Variants in SORCS3 observed in about 807,000 individuals in gnomAD.
SORCS3 encodes sortilin related VPS10 domain containing receptor 3, also known as VPS10 domain-containing receptor SorCS3.
SORCS3 carries 57 observed loss-of-function variants against 146.3 expected under a neutral mutation model. The ratio of observed to expected loss-of-function variants is 0.39; its 90% CI spans 0.31 to 0.49. SORCS3 has a LOEUF of 0.49. SORCS3 is among the 20% of genes least tolerant of loss of function. SORCS3 has a pLI of 0.92. For synonymous variants in SORCS3, 653 were observed against 618.5 expected (o/e 1.06, Z -0.83); for missense variants, 1,341 against 1,575.5 (o/e 0.85, Z 2.52).
At chr10:105,165,383 G>T (rs1197252247) in intron 12 of SORCS3, among the ~76,000 whole-genome samples, 1 of 152,168 alleles carries the variant, frequency 6.6e-6, no homozygotes, top group Non-Finnish European at 1.5e-5. Context: ...TCTCCGTGGA[G>T]AAGACAAGAG....
At position 105,249,513 on chromosome 10, in the gene SORCS3, G is replaced by T. The variant is rs570497959; in HGVS notation, c.3105+2182G>T. On this transcript the variant is annotated intron_variant, in intron 22 of 26. Transcript: ENST00000369701. ...ATAAATAGAAGAGAATGACATAGGA[G>T]CATTGCTGTATGGAGCGGTCTGTAA... 1.8e-4 allele frequency among the ~76,000 whole-genome samples: 27 copies of T among 152,246 alleles called. No homozygotes were observed. In the South Asian group the frequency reaches 5.0e-3, roughly 28 times the overall value.
chr10:104,924,410 C>T (rs909478018), intron 3 of SORCS3, among the ~76,000 whole-genome samples: 4 of 152,194 alleles, frequency 2.6e-5, no homozygotes, highest in Admixed American at 1.3e-4. Context: ...TAGCATTCCA[C>T]GTCGGTCCTG....
intron 7 of SORCS3, among the ~76,000 whole-genome samples, chr10:105,114,300 G>GA (rs925284046): frequency 9.3e-5 from 14 of 151,326 alleles, no homozygotes; most frequent in African/African-American, 2.7e-4. Context: ...AACACAAGAG[G>GA]AAAAAAAAGT....
chr10:105,169,278 C>G (rs2056340491), intron 13 of SORCS3, among the ~76,000 whole-genome samples: 1 of 152,142 alleles, frequency 6.6e-6, no homozygotes, highest in African/African-American at 2.4e-5. Flanking sequence ...AGGCTTATGA[C>G]ATAGTCCCTG....
intron 1 of SORCS3, among the ~76,000 whole-genome samples, chr10:104,704,230 C>T (rs992826052): frequency 6.0e-5 from 9 of 150,220 alleles, no homozygotes; most frequent in Admixed American, 1.3e-4. Context: ...TGCAGTGGCA[C>T]GATCATGGCT....
intron 7 of SORCS3, among the ~76,000 whole-genome samples, chr10:105,116,766 A>G (rs2055896357): frequency 6.6e-6 from 1 of 152,146 alleles, no homozygotes; most frequent in Admixed American, 6.6e-5. Context: ...CCATTATCCT[A>G]AGCAAACTAA....
chr10:104,913,682 A>G (rs947055726), intron 2 of SORCS3, among the ~76,000 whole-genome samples: 5 of 151,384 alleles, frequency 3.3e-5, no homozygotes, highest in African/African-American at 4.9e-5. Flanking sequence ...ACATTTTAGT[A>G]TACCTGCATT....
intron 23 of SORCS3, among the ~76,000 whole-genome samples, chr10:105,253,167 G>T (rs1310996859): frequency 1.3e-5 from 2 of 152,130 alleles, no homozygotes; most frequent in Non-Finnish European, 2.9e-5. Flanking sequence ...CTCCCTCCCA[G>T]TGACTCTTCC....
At chr10:105,116,327 T>C (rs969053379) in intron 7 of SORCS3, among the ~76,000 whole-genome samples, 6 of 152,166 alleles carry the variant, frequency 3.9e-5, no homozygotes, top group Admixed American at 2.6e-4. Flanking sequence ...AGTAGGATGC[T>C]TGCAAGAGAC....
chr10:105,087,173 T>A (rs2055667532), intron 5 of SORCS3, among the ~76,000 whole-genome samples: 1 of 152,194 alleles, frequency 6.6e-6, no homozygotes, highest in African/African-American at 2.4e-5. Flanking sequence ...CAGCACAATT[T>A]ATTAAATAGG....
chr10:105,134,470 T>A (rs1483532834), intron 7 of SORCS3, among the ~76,000 whole-genome samples: 2 of 151,664 alleles, frequency 1.3e-5, no homozygotes, highest in Non-Finnish European at 2.9e-5. Context: ...ATGTTAGATA[T>A]CTAGTGAAGG....
intron 2 of SORCS3, among the ~76,000 whole-genome samples, chr10:104,907,758 G>C (rs1419290745): frequency 6.6e-6 from 1 of 152,236 alleles, no homozygotes; most frequent in Admixed American, 6.5e-5. Flanking sequence ...AGGGAGAGCT[G>C]TGTAAGCTTC....
chr10:104,977,256 A>G, intron 3 of SORCS3, 79 bp from the exon 4 acceptor site: 1 of 1,199,254 alleles, frequency 8.3e-7, no homozygotes, highest in Non-Finnish European at 1.1e-6. Context: ...AATACAGATG[A>G]CTTATTTATG....
intron 4 of SORCS3, among the ~76,000 whole-genome samples, chr10:104,995,440 G>A (rs565805925): frequency 6.6e-6 from 1 of 152,286 alleles, no homozygotes; most frequent in South Asian, 2.1e-4. Context: ...TTACAGGCTT[G>A]AGCCACCACA....
intron 2 of SORCS3, among the ~76,000 whole-genome samples, chr10:104,906,860 A>G (rs543045989): frequency 3.7e-4 from 57 of 152,192 alleles, no homozygotes; most frequent in Non-Finnish European, 5.0e-4. Flanking sequence ...ACATCTCAAC[A>G]TTACAAGTAA....
At position 105,178,259 on chromosome 10, in the gene SORCS3, C is replaced by T. The variant is rs1026938636; in HGVS notation, c.2009+86C>T. The T allele has an allele frequency of 4.8e-5, 51 of 1,069,534 alleles. 1 individual carries two copies. Among genetic ancestry groups the T allele is most frequent in the South Asian group, 3.2e-4 (20 of 62,632 alleles). 66.3% of individuals were successfully genotyped at this position (1,069,534 alleles called of 1,614,324 possible). A position where few individuals can be genotyped will look rare whatever the true frequency, so the allele number is the denominator to read the frequency against. On this transcript the variant is annotated intron_variant, in intron 14 of 26. Transcript: ENST00000369701. ...AGGCCTTGGATTTTTCCCAGGGAAC[C>T]CTACACCAAAGTGGTCCAATCTCTG...
intron 6 of SORCS3, among the ~76,000 whole-genome samples, chr10:105,097,529 G>A (rs946089749): frequency 2.0e-5 from 3 of 152,192 alleles, no homozygotes; most frequent in South Asian, 2.1e-4. Flanking sequence ...GTATTAACTC[G>A]ATGACATAAA....
At chr10:105,116,276 C>G (rs1321967488) in intron 7 of SORCS3, among the ~76,000 whole-genome samples, 1 of 152,172 alleles carries the variant, frequency 6.6e-6, no homozygotes, top group East Asian at 1.9e-4. Context: ...CTTGCCTCAC[C>G]TGCACTGTGG....
intron 16 of SORCS3, among the ~76,000 whole-genome samples, chr10:105,209,147 T>C: frequency 6.6e-6 from 1 of 152,132 alleles, no homozygotes; most frequent in Non-Finnish European, 1.5e-5. Flanking sequence ...GGGATAATTT[T>C]TTTTTTCTTT....
Sources: allele counts gnomAD v4.1 joint callset (sites outside exome capture counted in the v4.1 genomes callset), GRCh38; gene constraint gnomAD v4.1.1; transcripts MANE v1.5; gene names NCBI Gene and HGNC (gene_info 2026-07-23, HGNC 2026-07-21).